Variants in PLCL1 observed in about 807,000 individuals in gnomAD.
The protein encoded by PLCL1 is phospholipase C like 1 (inactive), also known as inactive phospholipase C-like protein 1.
PLCL1 carries 41 observed loss-of-function variants against 84.4 expected under a neutral mutation model. The observed-to-expected ratio is 0.49, with a 90% confidence interval of 0.38 to 0.63. The LOEUF (loss-of-function observed/expected upper bound fraction) is 0.63. Among genes scored for constraint, PLCL1 ranks in the 30% least tolerant of loss-of-function variants. The probability of loss-of-function intolerance (pLI) is 0.00; values close to 1 mark genes in which losing one functional copy is unlikely to be tolerated. For synonymous variants in PLCL1, 490 were observed against 488.3 expected, an observed-to-expected ratio of 1.00 and a Z score of -0.05; for missense variants, 1,206 against 1,367.8, an observed-to-expected ratio of 0.88 and a Z score of 1.87.
intron 1 of PLCL1, among the ~76,000 whole-genome samples, chr2:197,926,214 C>G (rs1281462624): frequency 2.0e-5 from 3 of 152,128 alleles, no homozygotes; most frequent in African/African-American, 7.2e-5. Flanking sequence ...CCCAAACCAA[C>G]CCTGTGGGAG....
intron 1 of PLCL1, among the ~76,000 whole-genome samples, chr2:198,045,156 A>G (rs1302366797): frequency 6.6e-6 from 1 of 152,190 alleles, no homozygotes; most frequent in African/African-American, 2.4e-5. Context: ...TTATACCTTG[A>G]TTAGAATCAT....
At chr2:198,121,532 C>T (rs897105209) in intron 5 of PLCL1, among the ~76,000 whole-genome samples, 1 of 152,104 alleles carries the variant, frequency 6.6e-6, no homozygotes, top group East Asian at 1.9e-4. Flanking sequence ...TATGGACATC[C>T]AGTTTTCCCA....
intron 1 of PLCL1, among the ~76,000 whole-genome samples, chr2:197,975,193 T>C (rs953486534): frequency 2.0e-5 from 3 of 150,256 alleles, no homozygotes; most frequent in African/African-American, 7.3e-5. Flanking sequence ...CTTCACATTA[T>C]TGAGTGTCCA....
At chr2:198,008,987 C>T (rs1690801188) in intron 1 of PLCL1, among the ~76,000 whole-genome samples, 1 of 151,876 alleles carries the variant, frequency 6.6e-6, no homozygotes, top group African/African-American at 2.4e-5. Flanking sequence ...GCTTATGGGC[C>T]ATTTGTATAT....
intron 1 of PLCL1, among the ~76,000 whole-genome samples, chr2:197,904,262 C>T (rs1688332417): frequency 6.6e-6 from 1 of 152,162 alleles, no homozygotes; most frequent in Non-Finnish European, 1.5e-5. Context: ...TCTGCATGTT[C>T]TCCTCCCTAG....
At chr2:198,061,256 A>G (rs1866665) in intron 1 of PLCL1, among the ~76,000 whole-genome samples, 26,982 of 152,150 alleles carry the variant, frequency 0.18, 2,428 homozygotes, top group East Asian at 0.26. Flanking sequence ...TTTATCTAAA[A>G]CGTGCACTCT....
At chr2:198,033,051 C>T (rs1255153856) in intron 1 of PLCL1, among the ~76,000 whole-genome samples, 1 of 152,140 alleles carries the variant, frequency 6.6e-6, no homozygotes, top group Non-Finnish European at 1.5e-5. Context: ...TCTTTCCTCT[C>T]AGCTTCTGAA....
chr2:198,094,297 G>A (rs1324820502), intron 3 of PLCL1, among the ~76,000 whole-genome samples: 1 of 152,076 alleles, frequency 6.6e-6, no homozygotes, highest in African/African-American at 2.4e-5. Context: ...TCCTGACCTC[G>A]TGATCTGCCC....
chr2:197,970,089 G>T (rs1431304593), intron 1 of PLCL1, among the ~76,000 whole-genome samples: 1 of 152,170 alleles, frequency 6.6e-6, no homozygotes, highest in Non-Finnish European at 1.5e-5. Context: ...TTCTGTTGCT[G>T]TAACGGAATA....
At chr2:197,935,363 G>T (rs1446936959) in intron 1 of PLCL1, among the ~76,000 whole-genome samples, 2 of 152,146 alleles carry the variant, frequency 1.3e-5, no homozygotes, top group African/African-American at 2.4e-5. Context: ...CAACCTAAAT[G>T]CCCATCAGTG....
intron 1 of PLCL1, among the ~76,000 whole-genome samples, chr2:197,923,869 T>C (rs1356280487): frequency 1.3e-5 from 2 of 150,740 alleles, no homozygotes; most frequent in Admixed American, 6.6e-5. Flanking sequence ...CTGGGCACCA[T>C]TGAGCACTGA....
chr2:197,923,248 C>CA (rs1688752997), intron 1 of PLCL1, among the ~76,000 whole-genome samples: 2 of 145,556 alleles, frequency 1.4e-5, no homozygotes, highest in African/African-American at 5.1e-5. Context: ...GCTGGCCGGG[C>CA]GGGGGGCTGA....
At chr2:198,008,034 C>G (rs189989772) in intron 1 of PLCL1, among the ~76,000 whole-genome samples, 139 of 152,152 alleles carry the variant, frequency 9.1e-4, no homozygotes, top group African/African-American at 3.3e-3. Flanking sequence ...ACTTTTACTA[C>G]TCCCTATTCC....
intron 1 of PLCL1, among the ~76,000 whole-genome samples, chr2:198,005,149 C>T (rs1478032110): frequency 1.3e-5 from 2 of 152,182 alleles, no homozygotes; most frequent in East Asian, 3.8e-4. Context: ...TCACTTCCAC[C>T]CTCCTTTATT....
chr2:197,890,701 T>TACAC (rs372078594), intron 1 of PLCL1, among the ~76,000 whole-genome samples: 1 of 118,536 alleles, frequency 8.4e-6, no homozygotes, highest in African/African-American at 3.8e-5. Context: ...TATATATATA[T>TACAC]ACACACACAC....
At chr2:198,128,960 C>G (rs1265006017) in intron 5 of PLCL1, among the ~76,000 whole-genome samples, 1 of 152,150 alleles carries the variant, frequency 6.6e-6, no homozygotes, top group African/African-American at 2.4e-5. Context: ...CTTTGGAATT[C>G]AGGCTGAACT....
chr2:197,831,238 G>A (rs1691052324), intron 1 of PLCL1, among the ~76,000 whole-genome samples: 1 of 152,082 alleles, frequency 6.6e-6, no homozygotes, highest in Non-Finnish European at 1.5e-5. Flanking sequence ...GGACCCATCA[G>A]TCAAGACCCA....
intron 1 of PLCL1, among the ~76,000 whole-genome samples, chr2:198,061,776 T>G (rs1036303295): frequency 1.3e-5 from 2 of 151,966 alleles, no homozygotes; most frequent in African/African-American, 4.8e-5. Context: ...ATTTTTTGTA[T>G]GTTTAGTAGA....
chr2:197,964,940 A>G (rs1689698510), intron 1 of PLCL1, among the ~76,000 whole-genome samples: 1 of 152,186 alleles, frequency 6.6e-6, no homozygotes, highest in African/African-American at 2.4e-5. Flanking sequence ...CCACTTGGTC[A>G]TGATGAATGA....
Sources: allele counts gnomAD v4.1 joint callset (sites outside exome capture counted in the v4.1 genomes callset), GRCh38; gene constraint gnomAD v4.1.1; transcripts MANE v1.5; gene names NCBI Gene and HGNC (gene_info 2026-07-23, HGNC 2026-07-21).